Variants in QTMAN observed in about 807,000 individuals in gnomAD.
The protein encoded by QTMAN is queuosine-tRNA mannosyltransferase, also known as tRNA-queuosine alpha-mannosyltransferase.
chr2:144,135,818 T>C, the QTMAN span, among the ~76,000 whole-genome samples: 1 of 152,186 alleles, frequency 6.6e-6, no homozygotes, highest in Non-Finnish European at 1.5e-5. Context: ...CAGGTATACC[T>C]TTACTATCTA....
At chr2:143,950,151 C>G in the QTMAN span, among the ~76,000 whole-genome samples, 2 of 151,712 alleles carry the variant, frequency 1.3e-5, no homozygotes, top group East Asian at 3.9e-4. Flanking sequence ...GCATGAATTA[C>G]TAATTTATAA....
the QTMAN span, among the ~76,000 whole-genome samples, chr2:144,099,638 T>C: frequency 6.6e-6 from 1 of 152,236 alleles, no homozygotes; most frequent in Non-Finnish European, 1.5e-5. Context: ...TCATTAAATC[T>C]TCCATGTATC....
chr2:144,167,188 CT>C, the QTMAN span, among the ~76,000 whole-genome samples: 1 of 152,106 alleles, frequency 6.6e-6, no homozygotes, highest in African/African-American at 2.4e-5. Context: ...TAGATTGATG[CT>C]TTTATATTCC....
the QTMAN span, among the ~76,000 whole-genome samples, chr2:143,955,329 G>A: frequency 6.6e-6 from 1 of 152,128 alleles, no homozygotes; most frequent in Non-Finnish European, 1.5e-5. Context: ...AAATGCTAAT[G>A]TTGTCATACT....
the QTMAN span, among the ~76,000 whole-genome samples, chr2:144,243,443 T>C: frequency 6.6e-6 from 1 of 152,224 alleles, no homozygotes; most frequent in African/African-American, 2.4e-5. Flanking sequence ...TCAGAATAAA[T>C]GTGAATGGAA....
the QTMAN span, among the ~76,000 whole-genome samples, chr2:144,229,078 A>G: frequency 2.0e-5 from 3 of 152,234 alleles, no homozygotes; most frequent in East Asian, 1.9e-4. Context: ...TGAAAAGTGT[A>G]TATCCCAACA....
chr2:144,255,949 T>C, the QTMAN span, among the ~76,000 whole-genome samples: 2 of 152,214 alleles, frequency 1.3e-5, no homozygotes, highest in African/African-American at 4.8e-5. Flanking sequence ...AAGGGGACTA[T>C]CCTCTATATT....
At chr2:144,297,938 T>C in the QTMAN span, among the ~76,000 whole-genome samples, 2 of 151,952 alleles carry the variant, frequency 1.3e-5, no homozygotes, top group South Asian at 4.2e-4. Flanking sequence ...AAATTGAATA[T>C]AGACTGTATA....
the QTMAN span, among the ~76,000 whole-genome samples, chr2:144,025,708 A>G: frequency 1.3e-5 from 2 of 152,168 alleles, no homozygotes; most frequent in African/African-American, 2.4e-5. Flanking sequence ...TCAAAAGAAC[A>G]TAACTAAGTG....
At chr2:144,261,120 A>AAT in the QTMAN span, among the ~76,000 whole-genome samples, 1 of 152,148 alleles carries the variant, frequency 6.6e-6, no homozygotes. Context: ...CAGCCTACCA[A>AAT]TCTAATAAGC....
chr2:144,246,284 A>G, the QTMAN span, among the ~76,000 whole-genome samples: 3 of 152,316 alleles, frequency 2.0e-5, no homozygotes, highest in South Asian at 6.2e-4. Flanking sequence ...CTAGAAAACA[A>G]ATTTAAAGGC....
chr2:143,993,614 T>G, the QTMAN span, among the ~76,000 whole-genome samples: 1 of 152,128 alleles, frequency 6.6e-6, no homozygotes, highest in Non-Finnish European at 1.5e-5. Flanking sequence ...GCAGATTGAT[T>G]GGTGGCAGCT....
chr2:144,216,803 T>G, the QTMAN span, among the ~76,000 whole-genome samples: 7 of 152,282 alleles, frequency 4.6e-5, no homozygotes, highest in Middle Eastern at 3.4e-3. Context: ...TTTGTAAATT[T>G]CATAAATTTT....
At chr2:143,959,882 T>C in the QTMAN span, among the ~76,000 whole-genome samples, 3 of 152,256 alleles carry the variant, frequency 2.0e-5, no homozygotes, top group East Asian at 5.8e-4. Flanking sequence ...TACAACAGTA[T>C]ACCTACTTTG....
the QTMAN span, among the ~76,000 whole-genome samples, chr2:144,299,819 A>C: frequency 2.6e-5 from 4 of 152,242 alleles, no homozygotes; most frequent in African/African-American, 9.6e-5. Flanking sequence ...TTATTTGTAT[A>C]CCTACATTCA....
the QTMAN span, among the ~76,000 whole-genome samples, chr2:144,135,764 T>TA: frequency 1.3e-5 from 2 of 152,140 alleles, no homozygotes; most frequent in African/African-American, 4.8e-5. Context: ...ACAAAATTGT[T>TA]AAGAGTTTGG....
the QTMAN span, among the ~76,000 whole-genome samples, chr2:144,307,165 A>C: frequency 1.1e-5 from 1 of 92,306 alleles, no homozygotes; most frequent in Non-Finnish European, 2.9e-5. Context: ...GTCTTAAAAA[A>C]AAAAAAAAAA....
At chr2:144,170,201 A>G in the QTMAN span, among the ~76,000 whole-genome samples, 2 of 152,186 alleles carry the variant, frequency 1.3e-5, no homozygotes, top group Non-Finnish European at 2.9e-5. Flanking sequence ...CTTTCCAATT[A>G]CCATATATAA....
chr2:143,991,971 C>T, the QTMAN span, among the ~76,000 whole-genome samples: 758 of 152,156 alleles, frequency 5.0e-3, 7 homozygotes, highest in African/African-American at 0.017. Flanking sequence ...CGCCTCTGCC[C>T]GGCCGCCCCT....
Sources: gnomAD v4.1 joint callset for allele counts (sites outside exome capture counted in the v4.1 genomes callset) on GRCh38, gnomAD v4.1.1 for gene constraint, MANE v1.5 for transcripts, NCBI Gene and HGNC (gene_info 2026-07-23, HGNC 2026-07-21) for gene names.